AGAP1: variants seen among roughly 807,000 people sequenced by gnomAD.
The protein encoded by AGAP1 is ArfGAP with GTPase domain, ankyrin repeat and PH domain 1.
In AGAP1, 29 loss-of-function variants were observed where a neutral mutation model predicts 105.3. The observed-to-expected ratio is 0.28, with a 90% CI of 0.21 to 0.38. The LOEUF is 0.38. Ranked by LOEUF, AGAP1 falls within the 10% of genes least tolerant of loss-of-function variation. The pLI is 1.00. For synonymous variants in AGAP1, 509 were observed against 485.9 expected, an observed-to-expected ratio of 1.05 and a Z score of -0.63; for missense variants, 998 against 1,165.1, an observed-to-expected ratio of 0.86 and a Z score of 2.09.
Position 236,124,204 on chromosome 2 carries a change from G to C in AGAP1, c.*82G>C, listed in dbSNP as rs2125987409. On this transcript the variant is annotated 3_prime_UTR_variant, in exon 18 of 18. Transcript: ENST00000304032. The surrounding 1 kb of genome is among the most constrained non-coding windows in gnomAD (Gnocchi z 5.1). ...CTCGCTCAGAAGTCGCAGCACGTGA[G>C]TCCCGTCGCATCCCCTCCCTCTTCC... 6.9e-7 allele frequency: 1 copy of C among 1,450,050 alleles called. No individual in the cohort carries two copies. Among genetic ancestry groups the C allele is most frequent in the Non-Finnish European group, 9.4e-7 (1 of 1,063,254 alleles). The allele number at this position is 1,450,050 out of a possible 1,614,324, so 89.8% of individuals were successfully genotyped here. A position where few individuals can be genotyped will look rare whatever the true frequency, so the allele number is the denominator to read the frequency against.
rs548381623 is a variant in AGAP1, at chr2:235,859,099, T to TA, written c.1051-24244dup. On this transcript the variant is annotated intron_variant, in intron 9 of 17. Transcript: ENST00000304032. ...GCACTAATGTTGTCTCGATCTTTATTAATGGTGCTCGGCGGCTGCTGACAG... is the reference window on the plus strand; with the variant it reads ...GCACTAATGTTGTCTCGATCTTTATTAAATGGTGCTCGGCGGCTGCTGACAG... 7.9e-5 allele frequency among the ~76,000 whole-genome samples: 12 copies of TA among 152,336 alleles called. No homozygotes were observed. In the East Asian group the frequency reaches 2.3e-3, roughly 29 times the overall value.
rs2149663349 is a variant in AGAP1 at position 235,741,233 on chromosome 2, C to T, written c.396+185C>T. Among the ~76,000 whole-genome samples, 1 of 152,118 alleles carries T rather than the reference C, an allele frequency of 6.6e-6. No homozygotes were observed. Among genetic ancestry groups the T allele is most frequent in the Admixed American group, 6.5e-5 (1 of 15,282 alleles). On this transcript the variant is annotated intron_variant, in intron 4 of 17. Transcript: ENST00000304032. This position sits in a 1 kb window ranked among gnomAD's most constrained non-coding sequence, Gnocchi z 4.9. ...GCTAATTCTTTTTTTATTTTTTTCC[C>T]AGACTAAATCCTGCAGGGAAGTTGG... is the stretch of plus-strand genomic sequence containing the variant.
chr2:235,663,742 G>C lies in AGAP1; in HGVS notation c.164-45437G>C, dbSNP rs537908670. On this transcript the variant is annotated intron_variant, in intron 1 of 17. Transcript: ENST00000304032. The surrounding 1 kb of genome is among the most constrained non-coding windows in gnomAD (Gnocchi z 5.4). ...TTCGTGATATTCGTTCCTACTCCAG[G>C]AAGCTCTTAGGAGAATCCAAATCCG... 6.6e-6 allele frequency among the ~76,000 whole-genome samples: 1 copy of C among 152,234 alleles called. No homozygotes were observed. Among genetic ancestry groups the C allele is most frequent in the East Asian group, 1.9e-4 (1 of 5,180 alleles).
In AGAP1 at chr2:235,919,827, G is replaced by A. The variant is rs755150679; in HGVS notation, c.1324+10921G>A. Among the ~76,000 whole-genome samples, 4 of 152,100 alleles carry A rather than the reference G, an allele frequency of 2.6e-5. No homozygotes were observed. The highest frequency in any genetic ancestry group is 1.9e-4 in the East Asian group (1 of 5,186). ...ACAAAGAAAAATTCTTTTCTTCTCC[G>A]TCTTCACAATGCTTACACCCCTCAT... is the stretch of plus-strand genomic sequence containing the variant. On this transcript the variant is annotated intron_variant, in intron 11 of 17. Transcript: ENST00000304032. This position sits in a 1 kb window ranked among gnomAD's most constrained non-coding sequence, Gnocchi z 4.1.
rs1483258619 is a variant in AGAP1, at chr2:235,965,968, G to A, written c.1484-2494G>A. On this transcript the variant is annotated intron_variant, in intron 12 of 17. Transcript: ENST00000304032. The surrounding 1 kb of genome is among the most constrained non-coding windows in gnomAD (Gnocchi z 5.8). ...CCATTCCTCTAGGGATGGAGAGAGG[G>A]GAGTCCGTTCCTCTGGGGATGGAGA... Among the ~76,000 whole-genome samples the A allele has an allele frequency of 6.6e-6, 1 of 152,050 alleles. No individual in the cohort carries two copies. Among genetic ancestry groups the A allele is most frequent in the African/African-American group, 2.4e-5 (1 of 41,394 alleles).
chr2:235,513,372 T>C (rs1452080997), intron 1 of AGAP1, among the ~76,000 whole-genome samples: 1 of 151,918 alleles, frequency 6.6e-6, no homozygotes, highest in Admixed American at 6.6e-5. Context: ...AATACAAAAA[T>C]TAGCCAGTAG....
rs2058998366 is a variant in AGAP1, at chr2:236,089,084, C to G, written c.2115-31108C>G. ...GTGAAGGAGTAGAAAAAGTGGGATGCCACAGTTGCGGCAGAGAATATCCAA... is the reference window on the plus strand; with the variant it reads ...GTGAAGGAGTAGAAAAAGTGGGATGGCACAGTTGCGGCAGAGAATATCCAA... On this transcript the variant is annotated intron_variant, in intron 16 of 17. Transcript: ENST00000304032. The surrounding 1 kb of genome is among the most constrained non-coding windows in gnomAD (Gnocchi z 5.6). 6.6e-6 allele frequency among the ~76,000 whole-genome samples: 1 copy of G among 152,164 alleles called. No individual in the cohort carries two copies. Among genetic ancestry groups the G allele is most frequent in the African/African-American group, 2.4e-5 (1 of 41,436 alleles).
intron 1 of AGAP1, among the ~76,000 whole-genome samples, chr2:235,537,450 G>T (rs1943276585): frequency 6.6e-6 from 1 of 152,196 alleles, no homozygotes; most frequent in South Asian, 2.1e-4. Context: ...TGGAGGCTGG[G>T]GAGTCATGAG....
rs1014122636 is a variant in AGAP1, at chr2:235,700,477, G to A, written c.164-8702G>A. Reference sequence around the variant, plus strand: ...CGTGATTCTGGAGGGGTATTATGAGGCACTCAGGAATGCTTTTGAAGAAAC... The same window carrying A: ...CGTGATTCTGGAGGGGTATTATGAGACACTCAGGAATGCTTTTGAAGAAAC... On this transcript the variant is annotated intron_variant, in intron 1 of 17. Coordinates refer to ENST00000304032, the MANE Select transcript of AGAP1 (RefSeq NM_001037131.3). The surrounding 1 kb of genome is among the most constrained non-coding windows in gnomAD (Gnocchi z 6.1). Among the ~76,000 whole-genome samples the A allele has an allele frequency of 6.6e-6, 1 of 152,116 alleles. No homozygotes were observed. Among genetic ancestry groups the A allele is most frequent in the Admixed American group, 6.6e-5 (1 of 15,262 alleles).
At chr2:235,602,412 C>A (rs570792874) in intron 1 of AGAP1, among the ~76,000 whole-genome samples, 49 of 152,290 alleles carry the variant, frequency 3.2e-4, no homozygotes, top group African/African-American at 1.0e-3. Flanking sequence ...TTTGTTAACC[C>A]CTGCTTGGCC....
rs1947981521 is a variant in AGAP1, at chr2:235,662,227, G to A, written c.164-46952G>A. On this transcript the variant is annotated intron_variant, in intron 1 of 17. Coordinates refer to ENST00000304032, the MANE Select transcript of AGAP1 (RefSeq NM_001037131.3). The surrounding 1 kb of genome is among the most constrained non-coding windows in gnomAD (Gnocchi z 4.2). ...GGTGGCACATGAATCCCAGCTTTGT[G>A]TATCCACTCAGTTGCATGCCAGGTA... 6.6e-6 allele frequency among the ~76,000 whole-genome samples: 1 copy of A among 152,198 alleles called. No homozygotes were observed. The highest frequency in any genetic ancestry group is 6.5e-5 in the Admixed American group (1 of 15,282).
chr2:235,882,067 G>C lies in AGAP1; in HGVS notation c.1051-1278G>C, dbSNP rs1336248506. 6.6e-6 allele frequency among the ~76,000 whole-genome samples: 1 copy of C among 152,000 alleles called. No homozygotes were observed. The highest frequency in any genetic ancestry group is 1.5e-5 in the Non-Finnish European group (1 of 67,974). ...TTTTTTGTGGTTTTTGTTTTGTTTT[G>C]TTTTGGTGGGTTTTTTTGTGTTTGG... is the stretch of plus-strand genomic sequence containing the variant. On this transcript the variant is annotated intron_variant, in intron 9 of 17. Transcript: ENST00000304032. This position sits in a 1 kb window ranked among gnomAD's most constrained non-coding sequence, Gnocchi z 4.6.
chr2:235,727,929 A>AT (rs1170844311), intron 3 of AGAP1, among the ~76,000 whole-genome samples: 3 of 152,194 alleles, frequency 2.0e-5, no homozygotes, highest in African/African-American at 7.2e-5. Context: ...GAATGGAGAG[A>AT]TTGACACTTC....
At chr2:235,679,183 T>C (rs1948926345) in intron 1 of AGAP1, among the ~76,000 whole-genome samples, 1 of 152,236 alleles carries the variant, frequency 6.6e-6, no homozygotes, top group Non-Finnish European at 1.5e-5. Flanking sequence ...GTAAGGTGAT[T>C]CTGCCTAGTT....
intron 9 of AGAP1, among the ~76,000 whole-genome samples, chr2:235,878,610 C>G (rs762026510): frequency 6.6e-6 from 1 of 152,156 alleles, no homozygotes; most frequent in Non-Finnish European, 1.5e-5. Flanking sequence ...TCAGGCTGCT[C>G]CTGGATTTAG....
rs926008327 is a variant in AGAP1, at chr2:235,549,036, G to T, written c.163+54187G>T. Among the ~76,000 whole-genome samples the T allele has an allele frequency of 1.3e-5, 2 of 152,214 alleles. No individual in the cohort carries two copies. The highest frequency in any genetic ancestry group is 2.9e-5 in the Non-Finnish European group (2 of 68,040). ...GGTCCGAGCCTGGGTGGAAAGCACT[G>T]CAGGGCAGCTTGTGCAGAAACTGGG... On this transcript the variant is annotated intron_variant, in intron 1 of 17. Coordinates refer to ENST00000304032, the MANE Select transcript of AGAP1 (RefSeq NM_001037131.3). The surrounding 1 kb of genome is among the most constrained non-coding windows in gnomAD (Gnocchi z 4.2).
rs1946038844 is a variant in AGAP1 at position 235,608,931 on chromosome 2, A to T, written c.164-100248A>T. Among the ~76,000 whole-genome samples the T allele has an allele frequency of 6.7e-6, 1 of 150,246 alleles. No homozygotes were observed. The highest frequency in any genetic ancestry group is 2.5e-5 in the African/African-American group (1 of 40,796). ...TCTTGACTTCCCCCCCATCCCTAATACCCCCAACTATGCAAATGATAGTAC... is the reference window on the plus strand; with the variant it reads ...TCTTGACTTCCCCCCCATCCCTAATTCCCCCAACTATGCAAATGATAGTAC... On this transcript the variant is annotated intron_variant, in intron 1 of 17. Coordinates refer to ENST00000304032, the MANE Select transcript of AGAP1 (RefSeq NM_001037131.3). The surrounding 1 kb of genome is among the most constrained non-coding windows in gnomAD (Gnocchi z 5.4).
In AGAP1 at chr2:236,027,296, G is replaced by A. The variant is rs531509277; in HGVS notation, c.1646-9265G>A. 6.6e-6 allele frequency among the ~76,000 whole-genome samples: 1 copy of A among 152,202 alleles called. No individual in the cohort carries two copies. Among genetic ancestry groups the A allele is most frequent in the African/African-American group, 2.4e-5 (1 of 41,542 alleles). ...AGACAGGATCCTGGGAAACACATGG[G>A]CCTAGCATAGCTGGATTCCACTCGG... On this transcript the variant is annotated intron_variant, in intron 13 of 17. Transcript: ENST00000304032. The surrounding 1 kb of genome is among the most constrained non-coding windows in gnomAD (Gnocchi z 4.4).
At chr2:235,587,709 A>G (rs1436842951) in intron 1 of AGAP1, among the ~76,000 whole-genome samples, 1 of 151,034 alleles carries the variant, frequency 6.6e-6, no homozygotes, top group African/African-American at 2.4e-5. Context: ...GAGCTGAGAT[A>G]GCCCCATTTC....
Sources: allele counts gnomAD v4.1 joint callset (sites outside exome capture counted in the v4.1 genomes callset), GRCh38; gene constraint gnomAD v4.1.1; non-coding constraint Gnocchi (gnomAD v3.1); transcripts MANE v1.5; gene names NCBI Gene and HGNC (gene_info 2026-07-23, HGNC 2026-07-21).